The following PCDHGA10 variants were observed in gnomAD, a reference collection of about 807,000 sequenced individuals.
The protein encoded by PCDHGA10 is protocadherin gamma subfamily A, 10.
A neutral mutation model predicts 59.5 loss-of-function variants in PCDHGA10; 42 were observed. The observed-to-expected ratio is 0.71, with a 90% CI of 0.55 to 0.91. PCDHGA10 has a LOEUF of 0.91. PCDHGA10 is among the 40% of genes least tolerant of loss of function. The pLI is 0.00. For missense variants in PCDHGA10, 1,111 were observed against 1,198.2 expected (o/e 0.93, Z 1.07); for synonymous variants, 511 against 517.2 (o/e 0.99, Z 0.16).
Position 141,485,113 on chromosome 5 carries a change from T to G in PCDHGA10, c.2437-9694T>G. On this transcript the variant is annotated intron_variant, in intron 1 of 3. Transcript: ENST00000398610. This position sits in a 1 kb window ranked among gnomAD's most constrained non-coding sequence, Gnocchi z 5.7. ...AGGTGTCTCCAGCTGCTGTGGCTGTTTGGGGCGGGTCGGCTTCATCCGCGT... is the reference window on the plus strand; with the variant it reads ...AGGTGTCTCCAGCTGCTGTGGCTGTGTGGGGCGGGTCGGCTTCATCCGCGT... 1 of 1,286,014 alleles carries G rather than the reference T, an allele frequency of 7.8e-7. No individual in the cohort carries two copies. Among genetic ancestry groups the G allele is most frequent in the Non-Finnish European group, 1.1e-6 (1 of 898,642 alleles). 79.7% of individuals were successfully genotyped at this position (1,286,014 alleles called of 1,614,324 possible). A position where few individuals can be genotyped will look rare whatever the true frequency, so the allele number is the denominator to read the frequency against.
Position 141,415,740 on chromosome 5 carries a change from GTTTTTTTTTTTTTTTT to G in PCDHGA10, c.2436+146_2436+161del, listed in dbSNP as rs57426385. 54 of 625,040 alleles carry G rather than the reference GTTTTTTTTTTTTTTTT, an allele frequency of 8.6e-5. 1 individual carries two copies. The East Asian group carries it at 1.4e-3, about 16-fold the overall frequency. The allele number at this position is 625,040 out of a possible 1,614,324, so 38.7% of individuals were successfully genotyped here. ...TGAGTAGAATTTGATGTTTATTAAG[GTTTTTTTTTTTTTTTT>G]TTTTTTTTTTTTTTTTACTTTCTGG... On this transcript the variant is annotated intron_variant, in intron 1 of 3. Transcript: ENST00000398610.
Position 141,431,215 on chromosome 5 carries a change from C to T in PCDHGA10, c.2436+15604C>T, listed in dbSNP as rs1225114172. On this transcript the variant is annotated intron_variant, in intron 1 of 3. Transcript: ENST00000398610. The surrounding 1 kb of genome is among the most constrained non-coding windows in gnomAD (Gnocchi z 4.8). ...AAAATGCAGCCACTGAGATGCGGTT[C>T]CCTCTACCCCACGCCTGGGATCCGG... is the stretch of plus-strand genomic sequence containing the variant. 2.5e-6 allele frequency: 4 copies of T among 1,614,066 alleles called. No homozygotes were observed. The highest frequency in any genetic ancestry group is 1.3e-5 in the African/African-American group (1 of 74,942).
chr5:141,429,377 GTT>G (rs566693637), intron 1 of PCDHGA10, among the ~76,000 whole-genome samples: 7 of 149,436 alleles, frequency 4.7e-5, no homozygotes, highest in African/African-American at 1.7e-4. Flanking sequence ...GAGAAAATGT[GTT>G]TTTTTTTTAA....
chr5:141,500,144 C>T (rs2099796717), intron 2 of PCDHGA10, among the ~76,000 whole-genome samples: 1 of 151,426 alleles, frequency 6.6e-6, no homozygotes, highest in South Asian at 2.1e-4. Context: ...CTAAACTTTT[C>T]TTTGTGTAAT....
intron 1 of PCDHGA10, chr5:141,422,768 T>C: frequency 6.2e-7 from 1 of 1,613,824 alleles, no homozygotes. Context: ...AACACTGGTG[T>C]TCTCTATGCC....
At position 141,413,764 on chromosome 5, in the gene PCDHGA10, G is replaced by A. The variant is rs749419039; in HGVS notation, c.589G>A (p.Glu197Lys). 28 of 1,612,716 alleles carry A rather than the reference G, an allele frequency of 1.7e-5. No individual in the cohort carries two copies. Among genetic ancestry groups the A allele is most frequent in the Non-Finnish European group, 2.2e-5 (26 of 1,179,878 alleles). Residue 197 changes from glutamate to lysine, a missense_variant, in exon 1 of 4, where the codon GAG (glutamate) becomes AAG (lysine). By Grantham distance (56) the Glu-to-Lys change is moderately conservative (BLOSUM62 1). Coordinates refer to ENST00000398610, the MANE Select transcript of PCDHGA10 (RefSeq NM_018913.3). ...CCGTGCCAATGGCGTCAAGTACCCG[G>A]AGCTGGTACTGGAGCACTCCCTAGA... is the stretch of plus-strand genomic sequence containing the variant. ...QSRANGVKYP[E>K]LVLEHSLDRE...
intron 1 of PCDHGA10, chr5:141,422,432 A>T: frequency 6.2e-7 from 1 of 1,609,448 alleles, no homozygotes; most frequent in South Asian, 1.1e-5. Context: ...TATGGAAATT[A>T]TTACAAATTG....
intron 1 of PCDHGA10, chr5:141,442,416 T>A (rs2098323395): frequency 6.6e-6 from 1 of 152,206 alleles, no homozygotes; most frequent in Non-Finnish European, 1.5e-5. Flanking sequence ...CTGAGTGAAC[T>A]TCTTTTTTGA....
Position 141,430,120 on chromosome 5 carries a change from G to A in PCDHGA10, c.2436+14509G>A, listed in dbSNP as rs73280905. Among the ~76,000 whole-genome samples, 1,257 of 152,134 alleles carry A rather than the reference G, an allele frequency of 8.3e-3. 17 individuals are homozygous for A. Among genetic ancestry groups the A allele is most frequent in the African/African-American group, 0.029 (1,193 of 41,506 alleles). Reference sequence around the variant, plus strand: ...TTAAGCGTTACATGTCAACAACCTGGTAAAGTAATCCTTCCATTCAGGATC... The same window carrying A: ...TTAAGCGTTACATGTCAACAACCTGATAAAGTAATCCTTCCATTCAGGATC... On this transcript the variant is annotated intron_variant, in intron 1 of 3. Coordinates refer to ENST00000398610, the MANE Select transcript of PCDHGA10 (RefSeq NM_018913.3).
chr5:141,431,460 A>C lies in PCDHGA10; in HGVS notation c.2436+15849A>C, dbSNP rs761879594. On this transcript the variant is annotated intron_variant, in intron 1 of 3. Coordinates refer to ENST00000398610, the MANE Select transcript of PCDHGA10 (RefSeq NM_018913.3). This position sits in a 1 kb window ranked among gnomAD's most constrained non-coding sequence, Gnocchi z 4.8. ...GCGCGCATCCGCGTGATGGTTCTGGATGCGAACGACAACGCACCAGCGTTT... is the reference window on the plus strand; with the variant it reads ...GCGCGCATCCGCGTGATGGTTCTGGCTGCGAACGACAACGCACCAGCGTTT... 8.1e-6 allele frequency: 13 copies of C among 1,613,676 alleles called. No individual in the cohort carries two copies. The highest frequency in any genetic ancestry group is 1.1e-5 in the Non-Finnish European group (13 of 1,179,984).
At chr5:141,505,559 G>A (rs1215110084) in intron 3 of PCDHGA10, 78 bp downstream of exon 3, 27 of 1,604,592 alleles carry the variant, frequency 1.7e-5, no homozygotes, top group Non-Finnish European at 2.0e-5. Flanking sequence ...CCATGCCCAC[G>A]GACTGGATGT....
Position 141,487,631 on chromosome 5 carries a change from G to T in PCDHGA10, c.2437-7176G>T. Reference sequence around the variant, plus strand: ...TGGGCTAGAGGTGAGACCTTTGCAGGCTCAACAAATGCTTGAGGGTTATTC... The same window carrying T: ...TGGGCTAGAGGTGAGACCTTTGCAGTCTCAACAAATGCTTGAGGGTTATTC... On this transcript the variant is annotated intron_variant, in intron 1 of 3. Transcript: ENST00000398610. The surrounding 1 kb of genome is among the most constrained non-coding windows in gnomAD (Gnocchi z 5.0). The T allele has an allele frequency of 6.2e-7, 1 of 1,614,176 alleles. No individual in the cohort carries two copies. Among genetic ancestry groups the T allele is most frequent in the Non-Finnish European group, 8.5e-7 (1 of 1,180,032 alleles).
At chr5:141,458,662 C>A (rs948275548) in intron 1 of PCDHGA10, among the ~76,000 whole-genome samples, 2 of 152,064 alleles carry the variant, frequency 1.3e-5, no homozygotes, top group Non-Finnish European at 2.9e-5. Flanking sequence ...CTCCACCTCT[C>A]GGGTTCAAGC....
At chr5:141,466,077 A>G (rs1220036084) in intron 1 of PCDHGA10, among the ~76,000 whole-genome samples, 2 of 152,108 alleles carry the variant, frequency 1.3e-5, no homozygotes, top group Non-Finnish European at 2.9e-5. Context: ...AGCTGATATC[A>G]TGCCACTGCA....
chr5:141,455,533 T>C (rs1232689740), intron 1 of PCDHGA10, among the ~76,000 whole-genome samples: 1 of 152,134 alleles, frequency 6.6e-6, no homozygotes, highest in African/African-American at 2.4e-5. Flanking sequence ...TGACCAGGCA[T>C]ATCATTCACG....
In PCDHGA10 at chr5:141,476,962, C is replaced by A. The variant is rs2099402286; in HGVS notation, c.2437-17845C>A. On this transcript the variant is annotated intron_variant, in intron 1 of 3. Coordinates refer to ENST00000398610, the MANE Select transcript of PCDHGA10 (RefSeq NM_018913.3). This position sits in a 1 kb window ranked among gnomAD's most constrained non-coding sequence, Gnocchi z 7.6. ...GCCCCAACGGTGAAATTATTTACTCCTTCGGCAGCCACAACCGCGCCGGCG... is the reference window on the plus strand; with the variant it reads ...GCCCCAACGGTGAAATTATTTACTCATTCGGCAGCCACAACCGCGCCGGCG... 2 of 1,614,200 alleles carry A rather than the reference C, an allele frequency of 1.2e-6. No individual in the cohort carries two copies. The highest frequency in any genetic ancestry group is 1.7e-6 in the Non-Finnish European group (2 of 1,180,042).
chr5:141,419,515 G>T, intron 1 of PCDHGA10: 1 of 1,612,264 alleles, frequency 6.2e-7, no homozygotes, highest in Non-Finnish European at 8.5e-7. Flanking sequence ...GCGTGTTGGT[G>T]GGCGACCGTA....
chr5:141,450,491 G>C (rs1264524088), intron 1 of PCDHGA10, among the ~76,000 whole-genome samples: 1 of 151,896 alleles, frequency 6.6e-6, no homozygotes, highest in Non-Finnish European at 1.5e-5. Context: ...TTGTTTGTCT[G>C]TTTGTTTGTT....
At position 141,414,594 on chromosome 5, in the gene PCDHGA10, C is replaced by T; in HGVS notation, c.1419C>T (p.Ala473=). The T allele has an allele frequency of 1.2e-6, 2 of 1,613,952 alleles. No homozygotes were observed. The highest frequency in any genetic ancestry group is 1.7e-6 in the Non-Finnish European group (2 of 1,179,878). ...TCCCAGAGAACAACGCCAGGGGTGC[C>T]TCCATCTTCTCAGTGACAGCGCTGG... is the stretch of plus-strand genomic sequence containing the variant. ...TYIPENNARG[A]SIFSVTALDP... The change falls in exon 1 of 4, where the codon GCC becomes GCT. Residue 473 remains alanine (A), a synonymous_variant. Coordinates refer to ENST00000398610, the MANE Select transcript of PCDHGA10 (RefSeq NM_018913.3).
Sources: gnomAD v4.1 joint callset for allele counts (sites outside exome capture counted in the v4.1 genomes callset) on GRCh38, gnomAD v4.1.1 for gene constraint, Gnocchi (gnomAD v3.1) non-coding constraint, MANE v1.5 for transcripts, NCBI Gene and HGNC (gene_info 2026-07-23, HGNC 2026-07-21) for gene names.